CLSTN2: variants seen among roughly 807,000 people sequenced by gnomAD.
CLSTN2 encodes the protein calsyntenin 2, also known as calsyntenin-2.
CLSTN2 carries 48 observed loss-of-function variants against 101.2 expected under a neutral mutation model. The ratio of observed to expected loss-of-function variants is 0.47; its 90% CI spans 0.38 to 0.60. CLSTN2 has a LOEUF of 0.60. CLSTN2 is among the 20% of genes least tolerant of loss of function. CLSTN2 has a pLI of 0.00. For synonymous variants in CLSTN2, 481 were observed against 463.6 expected (o/e 1.04, Z -0.48); for missense variants, 1,160 against 1,238.2 (o/e 0.94, Z 0.95).
At chr3:140,033,544 G>T (rs1192919643) in intron 1 of CLSTN2, among the ~76,000 whole-genome samples, 1 of 152,154 alleles carries the variant, frequency 6.6e-6, no homozygotes, top group Non-Finnish European at 1.5e-5. Context: ...TAAGAGCAGA[G>T]AAATGAACAC....
chr3:140,470,824 C>T (rs1483911388), intron 8 of CLSTN2, among the ~76,000 whole-genome samples: 1 of 152,082 alleles, frequency 6.6e-6, no homozygotes, highest in East Asian at 1.9e-4. Flanking sequence ...GTTAGAAGCC[C>T]CCCAGGAACC....
In CLSTN2 at chr3:140,421,159, C is replaced by A; in HGVS notation, c.672C>A (p.Asp224Glu). The A allele has an allele frequency of 6.2e-7, 1 of 1,614,132 alleles. No individual in the cohort carries two copies. Among genetic ancestry groups the A allele is most frequent in the Non-Finnish European group, 8.5e-7 (1 of 1,179,992 alleles). ...GGAACACTGAGAAGCTGAGCTATGA[C>A]AAACAACACCAGTATGAGATCCTGG... ...NIRNTEKLSYDKQHQYEILVT... is the reference protein window; with the variant it reads ...NIRNTEKLSYEKQHQYEILVT... Residue 224 changes from aspartate (D) to glutamate (E), a missense_variant, in exon 5 of 17, where the codon GAC becomes GAA. Coordinates refer to ENST00000458420, the MANE Select transcript of CLSTN2 (RefSeq NM_022131.3).
chr3:139,970,139 C>G (rs1432147016), intron 1 of CLSTN2, among the ~76,000 whole-genome samples: 1 of 152,104 alleles, frequency 6.6e-6, no homozygotes, highest in Non-Finnish European at 1.5e-5. Context: ...GTAATTTGGG[C>G]TGGGGTGTGG....
At chr3:140,348,568 A>C (rs570338751) in intron 2 of CLSTN2, among the ~76,000 whole-genome samples, 59 of 152,156 alleles carry the variant, frequency 3.9e-4, no homozygotes, top group African/African-American at 1.3e-3. Context: ...GAGTTTCACT[A>C]TTTTTCTTTC....
At chr3:140,236,208 A>C (rs543617743) in intron 2 of CLSTN2, among the ~76,000 whole-genome samples, 2 of 152,310 alleles carry the variant, frequency 1.3e-5, no homozygotes, top group Admixed American at 6.5e-5. Context: ...TGCCATTATA[A>C]GAATTTTAAA....
intron 1 of CLSTN2, among the ~76,000 whole-genome samples, chr3:140,124,822 C>T (rs922971294): frequency 3.3e-5 from 5 of 152,140 alleles, no homozygotes; most frequent in African/African-American, 1.2e-4. Context: ...AGTTTTAGTG[C>T]AGGATGAGAA....
intron 2 of CLSTN2, among the ~76,000 whole-genome samples, chr3:140,224,244 A>G (rs1364228278): frequency 5.9e-5 from 9 of 152,276 alleles, no homozygotes; most frequent in Admixed American, 1.3e-4. Flanking sequence ...TCATTTAACC[A>G]TTGTAATCCT....
At chr3:140,076,636 T>TTTTTTG (rs2008497130) in intron 1 of CLSTN2, among the ~76,000 whole-genome samples, 4 of 141,014 alleles carry the variant, frequency 2.8e-5, no homozygotes, top group Non-Finnish European at 6.1e-5. Flanking sequence ...TTTTTTTTTT[T>TTTTTTG]TTTTTTTTTT....
chr3:139,965,292 A>G (rs540205488), intron 1 of CLSTN2, among the ~76,000 whole-genome samples: 1 of 152,218 alleles, frequency 6.6e-6, no homozygotes, highest in African/African-American at 2.4e-5. Flanking sequence ...TTGGTATACC[A>G]GGCAGTCTCT....
chr3:140,485,972 C>T (rs1424030059), intron 8 of CLSTN2, among the ~76,000 whole-genome samples: 1 of 151,882 alleles, frequency 6.6e-6, no homozygotes, highest in Non-Finnish European at 1.5e-5. Context: ...TGTCCGACAA[C>T]CCCCCAGTGA....
At chr3:140,398,206 A>G (rs1456813833) in intron 2 of CLSTN2, among the ~76,000 whole-genome samples, 2 of 152,194 alleles carry the variant, frequency 1.3e-5, no homozygotes, top group African/African-American at 4.8e-5. Flanking sequence ...TGCTTTTCCT[A>G]GACACAAACC....
chr3:139,965,325 A>G (rs1160657656), intron 1 of CLSTN2, among the ~76,000 whole-genome samples: 2 of 152,196 alleles, frequency 1.3e-5, no homozygotes, highest in East Asian at 3.9e-4. Flanking sequence ...GCAGTGTCTC[A>G]GAGGAAGCAA....
chr3:139,949,651 T>C (rs915640512), intron 1 of CLSTN2, among the ~76,000 whole-genome samples: 2 of 152,222 alleles, frequency 1.3e-5, no homozygotes, highest in African/African-American at 4.8e-5. Context: ...TAATGTAAAT[T>C]ACCTTTGCTA....
At chr3:140,338,937 C>T (rs750317852) in intron 2 of CLSTN2, among the ~76,000 whole-genome samples, 1 of 152,180 alleles carries the variant, frequency 6.6e-6, no homozygotes, top group African/African-American at 2.4e-5. Context: ...ATCTAATGAG[C>T]TGGGGAGCAC....
chr3:140,094,093 T>C (rs982982744), intron 1 of CLSTN2, among the ~76,000 whole-genome samples: 1 of 152,226 alleles, frequency 6.6e-6, no homozygotes, highest in African/African-American at 2.4e-5. Flanking sequence ...TGGACTCATT[T>C]TTCTGTCACT....
intron 2 of CLSTN2, among the ~76,000 whole-genome samples, chr3:140,292,685 G>A (rs1389918639): frequency 6.6e-6 from 1 of 152,204 alleles, no homozygotes; most frequent in African/African-American, 2.4e-5. Flanking sequence ...ATGACATTAA[G>A]TAAGTTACTT....
At chr3:140,003,857 T>G (rs1377553046) in intron 1 of CLSTN2, among the ~76,000 whole-genome samples, 3 of 152,200 alleles carry the variant, frequency 2.0e-5, no homozygotes, top group Admixed American at 1.3e-4. Context: ...AACATGTTAA[T>G]GACAATTACT....
chr3:140,289,999 A>G (rs1320588611), intron 2 of CLSTN2, among the ~76,000 whole-genome samples: 1 of 150,648 alleles, frequency 6.6e-6, no homozygotes, highest in East Asian at 1.9e-4. Flanking sequence ...TCAGCCTACT[A>G]GATGCTGAGC....
At chr3:140,522,204 G>C (rs766782314) in intron 8 of CLSTN2, among the ~76,000 whole-genome samples, 1 of 152,222 alleles carries the variant, frequency 6.6e-6, no homozygotes, top group Non-Finnish European at 1.5e-5. Context: ...CCCACAGGTC[G>C]GGTTGTTTGC....
Sources: allele counts gnomAD v4.1 joint callset (sites outside exome capture counted in the v4.1 genomes callset), GRCh38; gene constraint gnomAD v4.1.1; transcripts MANE v1.5; gene names NCBI Gene and HGNC (gene_info 2026-07-23, HGNC 2026-07-21).